The following ASTN2 variants were observed in gnomAD, a reference collection of about 807,000 sequenced individuals.
The protein encoded by ASTN2 is astrotactin 2.
ASTN2 carries 54 observed loss-of-function variants against 139.8 expected under a neutral mutation model. The ratio of observed to expected loss-of-function variants is 0.39; its 90% CI spans 0.31 to 0.48. ASTN2 has a LOEUF of 0.48. Ranked by LOEUF, ASTN2 falls within the 20% of genes least tolerant of loss-of-function variation. The pLI is 0.95. For missense variants in ASTN2, 1,565 were observed against 1,725.1 expected (o/e 0.91, Z 1.64); for synonymous variants, 756 against 719.5 (o/e 1.05, Z -0.81).
At chr9:117,023,037 G>A (rs1414823858) in intron 6 of ASTN2, among the ~76,000 whole-genome samples, 1 of 151,946 alleles carries the variant, frequency 6.6e-6, no homozygotes, top group African/African-American at 2.4e-5. Flanking sequence ...TGAGAGGGGT[G>A]GGGTAAAGGA....
chr9:116,451,876 C>T (rs954301727), intron 20 of ASTN2, among the ~76,000 whole-genome samples: 5 of 145,422 alleles, frequency 3.4e-5, no homozygotes, highest in African/African-American at 4.9e-5. Flanking sequence ...TGACCTGACC[C>T]CTCTTGAAAA....
intron 16 of ASTN2, among the ~76,000 whole-genome samples, chr9:116,687,841 G>T (rs1362649404): frequency 6.6e-6 from 1 of 151,966 alleles, no homozygotes; most frequent in Non-Finnish European, 1.5e-5. Flanking sequence ...GGTCTGAGAT[G>T]ATAGGAGCAA....
chr9:116,883,315 C>A (rs1833501930), intron 10 of ASTN2, among the ~76,000 whole-genome samples: 1 of 151,946 alleles, frequency 6.6e-6, no homozygotes, highest in African/African-American at 2.4e-5. Flanking sequence ...ATGCACATGC[C>A]CATATAATCC....
intron 22 of ASTN2, among the ~76,000 whole-genome samples, chr9:116,440,153 T>C: frequency 6.6e-6 from 1 of 152,142 alleles, no homozygotes; most frequent in Non-Finnish European, 1.5e-5. Context: ...AATTCATAAA[T>C]CTATATAGTC....
intron 3 of ASTN2, among the ~76,000 whole-genome samples, chr9:117,201,668 C>G (rs1303176747): frequency 6.6e-6 from 1 of 152,072 alleles, no homozygotes; most frequent in Non-Finnish European, 1.5e-5. Context: ...TTTCTTAATC[C>G]TGAGTTCTAA....
chr9:117,269,314 G>A (rs747176968), intron 2 of ASTN2, among the ~76,000 whole-genome samples: 3 of 152,196 alleles, frequency 2.0e-5, no homozygotes. Context: ...AGCATAACAG[G>A]TGCCTTTGCT....
At chr9:116,484,618 A>G (rs1172869105) in intron 20 of ASTN2, among the ~76,000 whole-genome samples, 2 of 152,192 alleles carry the variant, frequency 1.3e-5, no homozygotes, top group Non-Finnish European at 2.9e-5. Context: ...TGTTCCAAAC[A>G]ACACCCTGGT....
intron 19 of ASTN2, among the ~76,000 whole-genome samples, chr9:116,610,396 G>A (rs537337553): frequency 5.3e-4 from 81 of 152,224 alleles, no homozygotes; most frequent in African/African-American, 1.7e-3. Context: ...CCAGAGGTCC[G>A]GAGTTTGAGA....
chr9:117,004,412 C>T (rs941461783), intron 7 of ASTN2, among the ~76,000 whole-genome samples: 1 of 152,130 alleles, frequency 6.6e-6, no homozygotes, highest in African/African-American at 2.4e-5. Flanking sequence ...AGGCATCGCA[C>T]CTGGCCCAGT....
intron 10 of ASTN2, among the ~76,000 whole-genome samples, chr9:116,950,760 C>G (rs1835534440): frequency 1.3e-5 from 2 of 152,202 alleles, no homozygotes; most frequent in Admixed American, 1.3e-4. Flanking sequence ...AATTAGGTTA[C>G]TAATATGTAA....
At chr9:116,727,089 C>T (rs890084886) in intron 15 of ASTN2, among the ~76,000 whole-genome samples, 2 of 151,768 alleles carry the variant, frequency 1.3e-5, no homozygotes, top group African/African-American at 4.8e-5. Flanking sequence ...CCCTAAGTCA[C>T]ACCTATGCTT....
At chr9:117,161,249 A>G (rs934630675) in intron 3 of ASTN2, among the ~76,000 whole-genome samples, 2 of 151,926 alleles carry the variant, frequency 1.3e-5, no homozygotes, top group Non-Finnish European at 2.9e-5. Context: ...TTTTCTTGGG[A>G]AAGGAACACA....
intron 11 of ASTN2, among the ~76,000 whole-genome samples, chr9:116,833,358 T>C (rs1264651110): frequency 6.6e-6 from 1 of 152,172 alleles, no homozygotes; most frequent in Non-Finnish European, 1.5e-5. Flanking sequence ...CAATTTTTTG[T>C]TTCATTAACT....
chr9:117,147,772 G>T (rs901572899), intron 3 of ASTN2, among the ~76,000 whole-genome samples: 3 of 152,140 alleles, frequency 2.0e-5, no homozygotes, highest in Non-Finnish European at 4.4e-5. Flanking sequence ...GTTTTTCCAG[G>T]TCATGCAGCT....
At chr9:116,636,796 T>G (rs80283079) in intron 17 of ASTN2, among the ~76,000 whole-genome samples, 4,467 of 152,266 alleles carry the variant, frequency 0.029, 205 homozygotes, top group African/African-American at 0.1. Context: ...TCATGATCTC[T>G]CCCCGAAAAT....
At chr9:116,502,996 G>C (rs1487301176) in intron 19 of ASTN2, among the ~76,000 whole-genome samples, 2 of 139,508 alleles carry the variant, frequency 1.4e-5, no homozygotes, top group African/African-American at 2.7e-5. Flanking sequence ...GGGAGGGAGA[G>C]AGGGAAGGAA....
At chr9:117,161,253 G>GAACACAAAAATAACTCTTGTGAAAGT (rs1276598667) in intron 3 of ASTN2, among the ~76,000 whole-genome samples, 37 of 152,040 alleles carry the variant, frequency 2.4e-4, no homozygotes, top group African/African-American at 8.9e-4. Context: ...CTTGGGAAAG[G>GAACACAAAAATAACTCTTGTGAAAGT]AACACAAAAA....
intron 13 of ASTN2, among the ~76,000 whole-genome samples, chr9:116,749,083 A>G (rs1829330737): frequency 6.6e-6 from 1 of 151,770 alleles, no homozygotes; most frequent in South Asian, 2.1e-4. Context: ...CCTTTCCTGG[A>G]CCTTTGTTTC....
intron 5 of ASTN2, among the ~76,000 whole-genome samples, chr9:117,045,594 C>T (rs1222990146): frequency 6.6e-6 from 1 of 152,150 alleles, no homozygotes; most frequent in South Asian, 2.1e-4. Context: ...GTTGTTGATC[C>T]ACACATTGCC....
Sources: allele counts gnomAD v4.1 joint callset (sites outside exome capture counted in the v4.1 genomes callset), GRCh38; gene constraint gnomAD v4.1.1; transcripts MANE v1.5; gene names NCBI Gene and HGNC (gene_info 2026-07-23, HGNC 2026-07-21).